EBAG9: variants seen among roughly 807,000 people sequenced by gnomAD.
The protein encoded by EBAG9 is estrogen receptor binding site associated antigen 9.
In EBAG9, 16 loss-of-function variants were observed where a neutral mutation model predicts 30.9. The observed-to-expected ratio is 0.52, with a 90% confidence interval of 0.35 to 0.79. The LOEUF is 0.79. Ranked by LOEUF, EBAG9 falls within the 30% of genes least tolerant of loss-of-function variation. EBAG9 has a pLI of 0.01. For synonymous variants in EBAG9, 93 were observed against 82.8 expected (o/e 1.12, Z -0.67); for missense variants, 197 against 242.1 (o/e 0.81, Z 1.24).
Position 109,556,942 on chromosome 8 carries a change from T to C in EBAG9, c.329T>C (p.Ile110Thr), listed in dbSNP as rs914110273. 1.3e-6 allele frequency: 2 copies of C among 1,580,392 alleles called. No individual in the cohort carries two copies. Among genetic ancestry groups the C allele is most frequent in the Non-Finnish European group, 1.7e-6 (2 of 1,159,714 alleles). ...PTIRKTQKIV[I>T]KKREPLNFGI... The stretch of plus-strand genomic sequence containing the variant: ...TTTCAATTAATCTTTCAGATTGTTA[T>C]TAAGAAGAGAGAACCATTGAATTTT... Residue 110 changes from isoleucine (I) to threonine (T), a missense_variant, in exon 5 of 7, where the codon ATT (isoleucine) becomes ACT (threonine). Physicochemically the swap from Ile to Thr is moderately conservative, Grantham distance 89 (BLOSUM62 -1). Transcript: ENST00000337573.
At chr8:109,563,650 A>G (rs1354734912) in intron 6 of EBAG9, 27 of 980,454 alleles carry the variant, frequency 2.8e-5, no homozygotes, top group South Asian at 1.5e-4. Context: ...ACAGGTAAAC[A>G]TGTGTCAAGG....
chr8:109,560,795 G>C, intron 5 of EBAG9, 43 bp from the exon 6 acceptor site: 3 of 1,401,490 alleles, frequency 2.1e-6, no homozygotes, highest in Admixed American at 1.7e-5. Context: ...GTGGAGAAAG[G>C]ATGGCTTTTA....
At chr8:109,547,393 A>G (rs1407299303) in intron 1 of EBAG9, among the ~76,000 whole-genome samples, 3 of 152,084 alleles carry the variant, frequency 2.0e-5, no homozygotes, top group Non-Finnish European at 4.4e-5. Context: ...TAGGTATGTA[A>G]TAATTTCTCA....
At chr8:109,545,246 C>T (rs186250234) in intron 1 of EBAG9, among the ~76,000 whole-genome samples, 12 of 139,536 alleles carry the variant, frequency 8.6e-5, no homozygotes, top group East Asian at 2.2e-4. Context: ...TGCTTGAACC[C>T]GGGAAGCGGA....
chr8:109,559,692 A>G (rs1190342863), intron 5 of EBAG9, among the ~76,000 whole-genome samples: 2 of 151,906 alleles, frequency 1.3e-5, no homozygotes, highest in African/African-American at 2.4e-5. Flanking sequence ...GCATGTGCCT[A>G]TAGTCCCAGC....
At chr8:109,550,011 A>G (rs923530090) in intron 1 of EBAG9, among the ~76,000 whole-genome samples, 10 of 152,038 alleles carry the variant, frequency 6.6e-5, no homozygotes, top group African/African-American at 1.9e-4. Context: ...TATTCAATCT[A>G]ACAATCTCTG....
At chr8:109,553,989 A>G (rs1821546695) in intron 3 of EBAG9, 46 bp downstream of exon 3, 2 of 1,407,168 alleles carry the variant, frequency 1.4e-6, no homozygotes, top group Non-Finnish European at 2.0e-6. Context: ...GTTTTGAAAG[A>G]TTGAATAAGT....
chr8:109,559,013 G>A (rs1239827738), intron 5 of EBAG9, among the ~76,000 whole-genome samples: 1 of 144,414 alleles, frequency 6.9e-6, no homozygotes, highest in Non-Finnish European at 1.5e-5. Context: ...CTTTTTAATG[G>A]TCTCTATAGT....
intron 1 of EBAG9, among the ~76,000 whole-genome samples, chr8:109,547,682 G>A (rs890555264): frequency 2.6e-5 from 4 of 151,894 alleles, no homozygotes; most frequent in Admixed American, 6.6e-5. Flanking sequence ...GGGTTTCACC[G>A]TGTTGGCCAG....
At position 109,563,869 on chromosome 8, in the gene EBAG9, C is replaced by T. The variant is rs78660071; in HGVS notation, c.522-570C>T. On this transcript the variant is annotated intron_variant, in intron 6 of 6. Coordinates refer to ENST00000337573, the MANE Select transcript of EBAG9 (RefSeq NM_004215.5). ...ATTTGATTAAATACCCACCACTCTT[C>T]TCTTTGGTAGAGTTAGTCACATGTT... 9.2e-3 allele frequency among the ~76,000 whole-genome samples: 1,399 copies of T among 152,154 alleles called. 14 individuals are homozygous for T. The highest frequency in any genetic ancestry group is 0.032 in the African/African-American group (1,312 of 41,520).
chr8:109,565,924 A>G lies in EBAG9; in HGVS notation c.*1365A>G, dbSNP rs1586698189. 1 of 152,140 alleles carries G rather than the reference A, an allele frequency of 6.6e-6. No individual in the cohort carries two copies. The highest frequency in any genetic ancestry group is 2.4e-5 in the African/African-American group (1 of 41,456). 9.4% of individuals were successfully genotyped at this position (152,140 alleles called of 1,614,324 possible). On this transcript the variant is annotated 3_prime_UTR_variant, in exon 7 of 7. Transcript: ENST00000337573. Reference sequence around the variant, plus strand: ...AGTTAACTTTGGTACAGAGCTTTTTATAGCCCCAAATTATATTTCCAGTTA... The same window carrying G: ...AGTTAACTTTGGTACAGAGCTTTTTGTAGCCCCAAATTATATTTCCAGTTA...
chr8:109,561,245 A>G (rs936834166), intron 6 of EBAG9, among the ~76,000 whole-genome samples: 1 of 151,204 alleles, frequency 6.6e-6, no homozygotes, highest in African/African-American at 2.4e-5. Context: ...TTATATGCAT[A>G]TACATACCAT....
chr8:109,565,542 T>A lies in EBAG9; in HGVS notation c.*983T>A, dbSNP rs1821810308. ...CATAAAGGTGGGAATAATAATCTTT[T>A]ATTTATGATGTTGATTGGCTCCAAA... On this transcript the variant is annotated 3_prime_UTR_variant, in exon 7 of 7. Coordinates refer to ENST00000337573, the MANE Select transcript of EBAG9 (RefSeq NM_004215.5). 6.6e-6 allele frequency: 1 copy of A among 152,114 alleles called. No homozygotes were observed. The highest frequency in any genetic ancestry group is 1.5e-5 in the Non-Finnish European group (1 of 67,976). The allele number at this position is 152,114 out of a possible 1,614,324, so 9.4% of individuals were successfully genotyped here. A position where few individuals can be genotyped will look rare whatever the true frequency, so the allele number is the denominator to read the frequency against.
At chr8:109,555,753 A>G (rs1821585846) in intron 4 of EBAG9, among the ~76,000 whole-genome samples, 1 of 152,198 alleles carries the variant, frequency 6.6e-6, no homozygotes, top group Non-Finnish European at 1.5e-5. Context: ...AAGATCATTT[A>G]GAGATGCAGG....
At chr8:109,558,018 A>G (rs1821635821) in intron 5 of EBAG9, 1 of 163,456 alleles carries the variant, frequency 6.1e-6, no homozygotes. Flanking sequence ...TGTCACTTCC[A>G]TGTTATTTCA....
chr8:109,557,869 T>C, intron 5 of EBAG9: 1 of 295,032 alleles, frequency 3.4e-6, no homozygotes, highest in Non-Finnish European at 7.0e-6. Flanking sequence ...GCTGTGCACC[T>C]CTCCAAGGAG....
chr8:109,563,826 T>C (rs1563658837), intron 6 of EBAG9, among the ~76,000 whole-genome samples: 1 of 152,096 alleles, frequency 6.6e-6, no homozygotes, highest in Non-Finnish European at 1.5e-5. Flanking sequence ...CGCCCACTTA[T>C]AAGTGAGAAC....
At chr8:109,543,642 A>G (rs1563652130) in intron 1 of EBAG9, among the ~76,000 whole-genome samples, 1 of 151,942 alleles carries the variant, frequency 6.6e-6, no homozygotes, top group Non-Finnish European at 1.5e-5. Flanking sequence ...TTTTTTTACT[A>G]TATAATTTTT....
At chr8:109,564,404 G>A in intron 6 of EBAG9, 35 bp from the exon 7 acceptor site, 1 of 1,603,304 alleles carries the variant, frequency 6.2e-7, no homozygotes, top group African/African-American at 1.3e-5. Context: ...TACCTGTTTG[G>A]TATTTTCTAA....
Sources: allele counts gnomAD v4.1 joint callset (sites outside exome capture counted in the v4.1 genomes callset), GRCh38; gene constraint gnomAD v4.1.1; transcripts MANE v1.5; gene names NCBI Gene and HGNC (gene_info 2026-07-23, HGNC 2026-07-21).